The following CDC123 variants were observed in gnomAD, a reference collection of about 807,000 sequenced individuals.
CDC123 encodes the protein cell division cycle 123.
A neutral mutation model predicts 54.4 loss-of-function variants in CDC123; 37 were observed. The observed-to-expected ratio is 0.68, with a 90% CI of 0.52 to 0.89. The LOEUF is 0.89. CDC123 is among the 40% of genes least tolerant of loss of function. The pLI is 0.00. For missense variants in CDC123, 361 were observed against 412.1 expected (o/e 0.88, Z 1.07); for synonymous variants, 144 against 136.8 (o/e 1.05, Z -0.37).
At chr10:12,249,266 T>C (rs1836204578) in intron 11 of CDC123, among the ~76,000 whole-genome samples, 1 of 152,048 alleles carries the variant, frequency 6.6e-6, no homozygotes, top group Non-Finnish European at 1.5e-5. Flanking sequence ...CTGAGATATT[T>C]TCTGTACTAA....
intron 10 of CDC123, among the ~76,000 whole-genome samples, chr10:12,240,536 CTCTT>C (rs1836043402): frequency 6.6e-6 from 1 of 152,152 alleles, no homozygotes; most frequent in African/African-American, 2.4e-5. Flanking sequence ...ATATTTTCAC[CTCTT>C]TGTCTTCAAA....
chr10:12,207,641 G>T (rs1835540280), intron 2 of CDC123, among the ~76,000 whole-genome samples: 1 of 152,158 alleles, frequency 6.6e-6, no homozygotes, highest in Non-Finnish European at 1.5e-5. Context: ...CCCAGATAAT[G>T]GTGTGTCCTC....
intron 11 of CDC123, 144 bp downstream of exon 11, chr10:12,246,421 GC>G: frequency 1.2e-6 from 1 of 826,574 alleles, no homozygotes; most frequent in Non-Finnish European, 1.8e-6. Flanking sequence ...TAGCTAACCT[GC>G]CCATGGTGGT....
At chr10:12,240,766 G>T (rs1836047175) in intron 10 of CDC123, among the ~76,000 whole-genome samples, 1 of 152,146 alleles carries the variant, frequency 6.6e-6, no homozygotes, top group Non-Finnish European at 1.5e-5. Context: ...CTACTCCCGG[G>T]AGCTGAGTTG....
intron 6 of CDC123, among the ~76,000 whole-genome samples, chr10:12,218,760 G>A (rs997228113): frequency 6.6e-6 from 1 of 152,136 alleles, no homozygotes; most frequent in African/African-American, 2.4e-5. Flanking sequence ...TTCTAGAAGT[G>A]GAATTGCTGT....
intron 6 of CDC123, among the ~76,000 whole-genome samples, chr10:12,228,018 C>A (rs1386042332): frequency 6.6e-6 from 1 of 152,058 alleles, no homozygotes; most frequent in African/African-American, 2.4e-5. Flanking sequence ...TTACTGCAGC[C>A]TCAAACTCCG....
At chr10:12,236,993 C>A (rs919285597) in intron 8 of CDC123, 151 bp from the exon 9 acceptor site, 1 of 777,330 alleles carries the variant, frequency 1.3e-6, no homozygotes, top group Non-Finnish European at 1.8e-6. Flanking sequence ...TCATATGAAT[C>A]CTTACAGCTG....
chr10:12,228,680 C>T (rs1181788419), intron 6 of CDC123, among the ~76,000 whole-genome samples: 1 of 152,212 alleles, frequency 6.6e-6, no homozygotes, highest in Non-Finnish European at 1.5e-5. Context: ...AAGCGATTCT[C>T]CTGCCTCAGC....
chr10:12,226,991 C>G (rs933174493), intron 6 of CDC123, among the ~76,000 whole-genome samples: 2 of 152,108 alleles, frequency 1.3e-5, no homozygotes, highest in Non-Finnish European at 2.9e-5. Flanking sequence ...AGCGAGACTC[C>G]GTCTGCAATC....
Position 12,196,327 on chromosome 10 carries a change from G to A in CDC123, c.74+8G>A, listed in dbSNP as rs1262702283. 1 of 1,196,630 alleles carries A rather than the reference G, an allele frequency of 8.4e-7. No homozygotes were observed. The highest frequency in any genetic ancestry group is 1.4e-5 in the African/African-American group (1 of 71,216). The allele number at this position is 1,196,630 out of a possible 1,614,324, so 74.1% of individuals were successfully genotyped here. On this transcript the variant is annotated splice_region_variant and intron_variant, in intron 1 of 12. Transcript: ENST00000281141. The stretch of plus-strand genomic sequence containing the variant: ...AGGCGTTACCATCAAGAGGTGAGAT[G>A]GGAGGGGGTTCGCCCGGTCGACCGG...
intron 2 of CDC123, among the ~76,000 whole-genome samples, chr10:12,207,572 A>G (rs1466311552): frequency 6.6e-6 from 1 of 152,166 alleles, no homozygotes; most frequent in Non-Finnish European, 1.5e-5. Flanking sequence ...AACTTTGTGT[A>G]CCTGGGTGGA....
intron 4 of CDC123, among the ~76,000 whole-genome samples, chr10:12,211,107 C>CAT (rs1374475332): frequency 6.6e-6 from 1 of 152,138 alleles, no homozygotes; most frequent in Non-Finnish European, 1.5e-5. Flanking sequence ...AGTTATCAAG[C>CAT]ATATTACAGT....
At chr10:12,215,225 C>G (rs1418898747) in intron 4 of CDC123, among the ~76,000 whole-genome samples, 1 of 152,182 alleles carries the variant, frequency 6.6e-6, no homozygotes, top group East Asian at 1.9e-4. Flanking sequence ...TAAAACTTGT[C>G]TGGAAATAGC....
At chr10:12,221,950 A>G (rs1252950225) in intron 6 of CDC123, among the ~76,000 whole-genome samples, 1 of 152,196 alleles carries the variant, frequency 6.6e-6, no homozygotes, top group East Asian at 1.9e-4. Context: ...CGTCAGGGTT[A>G]TCCAGAGAGT....
intron 6 of CDC123, among the ~76,000 whole-genome samples, chr10:12,226,311 GC>G (rs1400980786): frequency 6.6e-6 from 1 of 151,372 alleles, no homozygotes; most frequent in Non-Finnish European, 1.5e-5. Context: ...GGGCAGAGGC[GC>G]CCCCCACCTC....
chr10:12,235,197 A>G, intron 8 of CDC123, 74 bp downstream of exon 8: 1 of 1,286,406 alleles, frequency 7.8e-7, no homozygotes, highest in Non-Finnish European at 1.1e-6. Context: ...TGTTGGAAGT[A>G]AATTTCCAGT....
intron 4 of CDC123, among the ~76,000 whole-genome samples, chr10:12,213,219 G>C (rs963372405): frequency 1.3e-5 from 2 of 152,208 alleles, no homozygotes; most frequent in Admixed American, 1.3e-4. Context: ...AAGAAAAATA[G>C]TAATGTTACA....
chr10:12,249,258 G>A (rs941051311), intron 11 of CDC123, among the ~76,000 whole-genome samples: 6 of 152,152 alleles, frequency 3.9e-5, no homozygotes, highest in African/African-American at 1.2e-4. Context: ...GCAACATACT[G>A]AGATATTTTC....
intron 6 of CDC123, among the ~76,000 whole-genome samples, chr10:12,226,803 C>T (rs1835825524): frequency 6.6e-6 from 1 of 151,778 alleles, no homozygotes; most frequent in Non-Finnish European, 1.5e-5. Flanking sequence ...CTCCTCACAT[C>T]CCAGACGATG....
Sources: gnomAD v4.1 joint callset for allele counts (sites outside exome capture counted in the v4.1 genomes callset) on GRCh38, gnomAD v4.1.1 for gene constraint, MANE v1.5 for transcripts, NCBI Gene and HGNC (gene_info 2026-07-23, HGNC 2026-07-21) for gene names.